RYR2: variants seen among roughly 807,000 people sequenced by gnomAD.
RYR2 encodes the protein ryanodine receptor 2, also known as cardiac muscle ryanodine receptor-calcium release channel.
In RYR2, 227 loss-of-function variants were observed where a neutral mutation model predicts 601.1. The ratio of observed to expected loss-of-function variants is 0.38; its 90% CI spans 0.34 to 0.42. The LOEUF (loss-of-function observed/expected upper bound fraction) is 0.42, where lower values mean the gene tolerates loss of function less well. Ranked by LOEUF, RYR2 falls within the 10% of genes least tolerant of loss-of-function variation. The pLI, the probability that RYR2 is intolerant of heterozygous loss-of-function variation, is 1.00. For synonymous variants in RYR2, 2,223 were observed against 2,175.1 expected, an observed-to-expected ratio of 1.02 and a Z score of -0.61; for missense variants, 4,646 against 6,156.5, an observed-to-expected ratio of 0.75 and a Z score of 8.21.
chr1:237,127,313 C>G (rs1236267510), intron 1 of RYR2, among the ~76,000 whole-genome samples: 2 of 151,834 alleles, frequency 1.3e-5, no homozygotes, highest in African/African-American at 4.8e-5. Flanking sequence ...ACCTCCCAGA[C>G]AGGGTGGTGG....
rs1668667165 is a variant in RYR2 at position 237,536,740 on chromosome 1, G to T, written c.2906+6230G>T. 2.4e-5 allele frequency among the ~76,000 whole-genome samples: 2 copies of T among 84,718 alleles called. 1 individual carries two copies. Among genetic ancestry groups the T allele is most frequent in the Non-Finnish European group, 4.7e-5 (2 of 42,836 alleles). The allele number at this position is 84,718 out of a possible 152,430, so 55.6% of individuals were successfully genotyped here. A position where few individuals can be genotyped will look rare whatever the true frequency, so the allele number is the denominator to read the frequency against. On this transcript the variant is annotated intron_variant, in intron 25 of 104. Coordinates refer to ENST00000366574, the MANE Select transcript of RYR2 (RefSeq NM_001035.3). ...AAAAAAAAAAAAAAAAAAAAAATTA[G>T]CCGGGCATGGTGGCAGGCGCCTGTA...
chr1:237,729,895 T>C (rs1173698489), intron 76 of RYR2, among the ~76,000 whole-genome samples: 2 of 152,188 alleles, frequency 1.3e-5, no homozygotes, highest in Non-Finnish European at 2.9e-5. Flanking sequence ...TATATGATAA[T>C]AGTCATTTAA....
rs1463251739 is a variant in RYR2 at position 237,801,280 on chromosome 1, C to G, written c.14091-576C>G. 4.0e-5 allele frequency among the ~76,000 whole-genome samples: 6 copies of G among 149,924 alleles called. No individual in the cohort carries two copies. In the East Asian group the frequency reaches 1.2e-3, roughly 30 times the overall value. On this transcript the variant is annotated intron_variant, in intron 97 of 104. Transcript: ENST00000366574. ...GCACAATGGTGCATGCATGTAATCC[C>G]AGCACTTCGGGAGGCCAAAGCGGAC... is the stretch of plus-strand genomic sequence containing the variant.
At position 237,771,864 on chromosome 1, in the gene RYR2, A is replaced by G. The variant is rs1573886934; in HGVS notation, c.11558-148A>G. On this transcript the variant is annotated intron_variant, in intron 85 of 104. Transcript: ENST00000366574. ...GTGATCACTTTTTATGGAAAATATA[A>G]ATTATTTTCATAGTAAAACTATTAG... is the stretch of plus-strand genomic sequence containing the variant. 5.1e-6 allele frequency: 3 copies of G among 588,838 alleles called. No individual in the cohort carries two copies. The East Asian group carries it at 8.8e-5, about 17-fold the overall frequency. The allele number at this position is 588,838 out of a possible 1,614,324, so 36.5% of individuals were successfully genotyped here. A position where few individuals can be genotyped will look rare whatever the true frequency, so the allele number is the denominator to read the frequency against.
At chr1:237,574,269 TTC>T (rs1427723887) in intron 29 of RYR2, among the ~76,000 whole-genome samples, 4 of 152,200 alleles carry the variant, frequency 2.6e-5, no homozygotes, top group African/African-American at 9.6e-5. Context: ...GCTTAAGTTT[TTC>T]CATGAATTCT....
intron 1 of RYR2, among the ~76,000 whole-genome samples, chr1:237,152,366 C>T (rs1674812694): frequency 6.6e-6 from 1 of 152,116 alleles, no homozygotes; most frequent in Non-Finnish European, 1.5e-5. Flanking sequence ...TTGGTATATA[C>T]CCAGTAATGG....
At chr1:237,486,775 A>C (rs890942875) in intron 17 of RYR2, among the ~76,000 whole-genome samples, 3 of 152,192 alleles carry the variant, frequency 2.0e-5, no homozygotes, top group African/African-American at 7.2e-5. Flanking sequence ...ATTGGGAGAG[A>C]AGTATACAAA....
At chr1:237,135,439 G>A (rs1027704550) in intron 1 of RYR2, among the ~76,000 whole-genome samples, 9 of 150,632 alleles carry the variant, frequency 6.0e-5, no homozygotes, top group East Asian at 2.0e-4. Context: ...GCACGATCTC[G>A]GCTCACTGCA....
At chr1:237,314,382 A>G (rs1401245233) in intron 2 of RYR2, among the ~76,000 whole-genome samples, 1 of 152,136 alleles carries the variant, frequency 6.6e-6, no homozygotes, top group Non-Finnish European at 1.5e-5. Flanking sequence ...TTTCAAAGGC[A>G]AAAATGCTTT....
At chr1:237,084,031 C>T (rs1055030655) in intron 1 of RYR2, among the ~76,000 whole-genome samples, 1 of 152,134 alleles carries the variant, frequency 6.6e-6, no homozygotes, top group African/African-American at 2.4e-5. Flanking sequence ...TCTGTTCTCC[C>T]TGGGCCTCTC....
intron 1 of RYR2, among the ~76,000 whole-genome samples, chr1:237,071,660 C>T (rs185181792): frequency 6.6e-6 from 1 of 152,340 alleles, no homozygotes; most frequent in African/African-American, 2.4e-5. Context: ...GCCCCCTGGC[C>T]CCCAGGCTTC....
At chr1:237,581,993 C>A (rs553000979) in intron 29 of RYR2, among the ~76,000 whole-genome samples, 4 of 152,264 alleles carry the variant, frequency 2.6e-5, no homozygotes, top group Admixed American at 2.0e-4. Context: ...GAGATGATCT[C>A]TTCTTGTCTA....
chr1:237,637,796 A>G (rs1220090027), intron 44 of RYR2, among the ~76,000 whole-genome samples: 2 of 152,196 alleles, frequency 1.3e-5, no homozygotes, highest in African/African-American at 2.4e-5. Context: ...GTTAAATGCT[A>G]TTAAATTCAG....
intron 8 of RYR2, among the ~76,000 whole-genome samples, chr1:237,378,966 A>G (rs530171819): frequency 5.3e-5 from 8 of 152,326 alleles, no homozygotes; most frequent in African/African-American, 1.9e-4. Context: ...TCCCTTAACC[A>G]ATGTAGGTAG....
chr1:237,511,327 G>T (rs974756509), intron 23 of RYR2, among the ~76,000 whole-genome samples: 2 of 150,430 alleles, frequency 1.3e-5, no homozygotes, highest in Admixed American at 6.6e-5. Flanking sequence ...AGTAAGCTGG[G>T]CAGGCAGACT....
chr1:237,671,421 T>C (rs1462487265), intron 58 of RYR2, among the ~76,000 whole-genome samples: 2 of 152,048 alleles, frequency 1.3e-5, no homozygotes, highest in African/African-American at 4.8e-5. Context: ...TTGTAGGCAG[T>C]TGCATCCTGC....
At chr1:237,712,989 T>G (rs549726735) in intron 71 of RYR2, among the ~76,000 whole-genome samples, 29 of 152,334 alleles carry the variant, frequency 1.9e-4, no homozygotes, top group African/African-American at 6.3e-4. Context: ...CCCACTCCAC[T>G]GACCTCCAAA....
At chr1:237,055,630 G>A (rs1661898860) in intron 1 of RYR2, among the ~76,000 whole-genome samples, 1 of 152,178 alleles carries the variant, frequency 6.6e-6, no homozygotes, top group South Asian at 2.1e-4. Flanking sequence ...ATGGAAATCA[G>A]GAGGAAGGGG....
intron 1 of RYR2, among the ~76,000 whole-genome samples, chr1:237,163,679 A>G (rs1297542472): frequency 1.3e-5 from 2 of 152,080 alleles, no homozygotes; most frequent in African/African-American, 4.8e-5. Context: ...AAAAACAGAG[A>G]CGGAAGAGGG....
Sources: gnomAD v4.1 joint callset for allele counts (sites outside exome capture counted in the v4.1 genomes callset) on GRCh38, gnomAD v4.1.1 for gene constraint, MANE v1.5 for transcripts, NCBI Gene and HGNC (gene_info 2026-07-23, HGNC 2026-07-21) for gene names.